The following ZNF227 variants were observed in gnomAD, a reference collection of about 807,000 sequenced individuals.
ZNF227 encodes zinc finger protein 227.
Under a neutral mutation model 13.2 loss-of-function variants are expected in ZNF227, and 12 were observed. The ratio of observed to expected loss-of-function variants is 0.91; its 90% confidence interval spans 0.58 to 1.47. The LOEUF (loss-of-function observed/expected upper bound fraction) is 1.47. ZNF227 is among the 40% of genes most tolerant of loss of function. The probability of loss-of-function intolerance (pLI) is 0.00; values close to 1 mark genes in which losing one functional copy is unlikely to be tolerated. For missense variants in ZNF227, 885 were observed against 967.5 expected, an observed-to-expected ratio of 0.91 and a Z score of 1.13; for synonymous variants, 338 against 326.0, an observed-to-expected ratio of 1.04 and a Z score of -0.40.
chr19:44,224,814 T>G (rs1972923625), intron 3 of ZNF227, among the ~76,000 whole-genome samples: 1 of 152,232 alleles, frequency 6.6e-6, no homozygotes, highest in Admixed American at 6.5e-5. Context: ...GTCATTTTGA[T>G]GTTAGCTGGT....
intron 5 of ZNF227, among the ~76,000 whole-genome samples, chr19:44,233,800 GA>G (rs1009981044): frequency 6.6e-6 from 1 of 152,116 alleles, no homozygotes; most frequent in African/African-American, 2.4e-5. Flanking sequence ...GGAGGCTGAG[GA>G]GGAGAATCTC....
chr19:44,208,118 G>T (rs59774711), upstream of ZNF227, among the ~76,000 whole-genome samples: 15,805 of 152,096 alleles, frequency 0.1, 1,986 homozygotes, highest in African/African-American at 0.28. Context: ...AGTATTGTAG[G>T]CAATCTAAAG....
chr19:44,234,354 G>A (rs1437219293), intron 5 of ZNF227, among the ~76,000 whole-genome samples: 2 of 152,186 alleles, frequency 1.3e-5, no homozygotes, highest in African/African-American at 4.8e-5. Flanking sequence ...CTGAGGAAGA[G>A]GTGAGTAGGC....
intron 5 of ZNF227, among the ~76,000 whole-genome samples, chr19:44,233,364 TTTG>T (rs762572536): frequency 1.3e-5 from 2 of 152,188 alleles, no homozygotes; most frequent in African/African-American, 2.4e-5. Flanking sequence ...TATTCTGTTT[TTTG>T]TTTTTTTGTC....
chr19:44,208,738 A>G (rs148993064), upstream of ZNF227, among the ~76,000 whole-genome samples: 13 of 152,360 alleles, frequency 8.5e-5, no homozygotes, highest in East Asian at 2.5e-3. Flanking sequence ...TCTTAGAACC[A>G]TATGAAATAA....
At chr19:44,232,360 C>T (rs775062288) in intron 5 of ZNF227, among the ~76,000 whole-genome samples, 12 of 152,196 alleles carry the variant, frequency 7.9e-5, no homozygotes, top group Non-Finnish European at 1.8e-4. Flanking sequence ...TTATATATCG[C>T]TCTAAGTTTA....
intron 3 of ZNF227, among the ~76,000 whole-genome samples, chr19:44,219,334 C>T (rs1972214017): frequency 6.6e-6 from 1 of 152,068 alleles, no homozygotes; most frequent in South Asian, 2.1e-4. Context: ...TTTAAATTTC[C>T]CTACAGCAAA....
chr19:44,228,694 A>G (rs1202822768), intron 4 of ZNF227, 122 bp downstream of exon 4: 1 of 1,210,908 alleles, frequency 8.3e-7, no homozygotes, highest in African/African-American at 1.6e-5. Flanking sequence ...AAGGTTTTCT[A>G]ATCCCTGGGA....
chr19:44,223,671 C>G (rs1246686749), intron 3 of ZNF227, among the ~76,000 whole-genome samples: 2 of 151,928 alleles, frequency 1.3e-5, no homozygotes, highest in South Asian at 2.1e-4. Flanking sequence ...CTTTATTAGT[C>G]TTGCTAGCGG....
chr19:44,224,669 G>A (rs1028058102), intron 3 of ZNF227, among the ~76,000 whole-genome samples: 12 of 152,060 alleles, frequency 7.9e-5, no homozygotes, highest in African/African-American at 1.7e-4. Context: ...GTCTCTGCAC[G>A]TGAGATGGGT....
chr19:44,211,201 TAACAACAACAAC>T (rs72041965), upstream of ZNF227, among the ~76,000 whole-genome samples: 161 of 148,230 alleles, frequency 1.1e-3, no homozygotes, highest in African/African-American at 3.8e-3. Context: ...AAACTCTGTC[TAACAACAACAAC>T]AACAACAACA....
chr19:44,211,081 C>T (rs1488058372), upstream of ZNF227, among the ~76,000 whole-genome samples: 1 of 151,940 alleles, frequency 6.6e-6, no homozygotes, highest in African/African-American at 2.4e-5. Context: ...TGCCTATAAC[C>T]CCAGCGACTT....
In ZNF227 at chr19:44,228,588, C is replaced by T; in HGVS notation, c.187+16C>T. The T allele has an allele frequency of 1.3e-6, 2 of 1,594,394 alleles. No individual in the cohort carries two copies. Among genetic ancestry groups the T allele is most frequent in the South Asian group, 1.1e-5 (1 of 88,810 alleles). ...GTTGCAGTGGGTGAGGACAGGCACT[C>T]TCTGACCCTGAACTTCAGTTCCCTT... On this transcript the variant is annotated intron_variant, in intron 4 of 5. Transcript: ENST00000313040.
upstream of ZNF227, among the ~76,000 whole-genome samples, chr19:44,209,747 C>T (rs1199118581): frequency 6.6e-6 from 1 of 152,082 alleles, no homozygotes; most frequent in African/African-American, 2.4e-5. Context: ...TCACCACACC[C>T]GGCTAATTTT....
At chr19:44,227,357 T>TG (rs1277734674) in intron 3 of ZNF227, 1 of 152,232 alleles carries the variant, frequency 6.6e-6, no homozygotes, top group Non-Finnish European at 1.5e-5. Context: ...GTGATTCTCC[T>TG]GCCTCAGCCT....
chr19:44,209,900 T>C (rs1971300005), upstream of ZNF227, among the ~76,000 whole-genome samples: 1 of 152,250 alleles, frequency 6.6e-6, no homozygotes, highest in Admixed American at 6.5e-5. Context: ...CAGGGTCTTT[T>C]AGATCTGATC....
At chr19:44,232,344 C>G (rs1237527498) in intron 5 of ZNF227, among the ~76,000 whole-genome samples, 2 of 152,154 alleles carry the variant, frequency 1.3e-5, no homozygotes, top group African/African-American at 4.8e-5. Context: ...CTATATCGCT[C>G]TAAGTTTATA....
chr19:44,218,433 T>G (rs1289126272), intron 3 of ZNF227, among the ~76,000 whole-genome samples: 2 of 152,214 alleles, frequency 1.3e-5, no homozygotes, highest in African/African-American at 4.8e-5. Flanking sequence ...GGTTTATGTC[T>G]CAGTTTCATG....
At chr19:44,225,204 T>A (rs1972982102) in intron 3 of ZNF227, among the ~76,000 whole-genome samples, 1 of 152,148 alleles carries the variant, frequency 6.6e-6, no homozygotes, top group Non-Finnish European at 1.5e-5. Flanking sequence ...CTTAACATTT[T>A]TTCCTTCATT....
Sources: allele counts gnomAD v4.1 joint callset (sites outside exome capture counted in the v4.1 genomes callset), GRCh38; gene constraint gnomAD v4.1.1; transcripts MANE v1.5; gene names NCBI Gene and HGNC (gene_info 2026-07-23, HGNC 2026-07-21).